The following PRTFDC1 variants were observed in gnomAD, a reference collection of about 807,000 sequenced individuals.
PRTFDC1 encodes the protein phosphoribosyltransferase domain-containing protein 1.
In PRTFDC1, 38 loss-of-function variants were observed where a neutral mutation model predicts 34.6. The ratio of observed to expected loss-of-function variants is 1.10; its 90% CI spans 0.85 to 1.44. The LOEUF (loss-of-function observed/expected upper bound fraction) is 1.44. PRTFDC1 is among the 40% of genes most tolerant of loss of function. The probability of loss-of-function intolerance (pLI) is 0.00; values close to 1 mark genes in which losing one functional copy is unlikely to be tolerated. For synonymous variants in PRTFDC1, 93 were observed against 98.1 expected (o/e 0.95, Z 0.31); for missense variants, 270 against 283.0 (o/e 0.95, Z 0.33).
At chr10:24,872,750 G>A (rs891954043) in intron 3 of PRTFDC1, among the ~76,000 whole-genome samples, 1 of 143,876 alleles carries the variant, frequency 7.0e-6, no homozygotes, top group African/African-American at 2.6e-5. Context: ...ACAAATATAT[G>A]TGCACACGTG....
At chr10:24,950,172 T>G (rs1849317847) in intron 1 of PRTFDC1, among the ~76,000 whole-genome samples, 1 of 152,172 alleles carries the variant, frequency 6.6e-6, no homozygotes, top group African/African-American at 2.4e-5. Flanking sequence ...CTTCAACAAT[T>G]TACCTACTCT....
intron 3 of PRTFDC1, among the ~76,000 whole-genome samples, chr10:24,915,529 G>A (rs2132575118): frequency 6.6e-6 from 1 of 152,194 alleles, no homozygotes; most frequent in African/African-American, 2.4e-5. Context: ...CCCATAACTG[G>A]GTGTCCAGAG....
chr10:24,946,061 A>G (rs995191654), intron 1 of PRTFDC1, among the ~76,000 whole-genome samples: 3 of 152,114 alleles, frequency 2.0e-5, no homozygotes, highest in Non-Finnish European at 4.4e-5. Flanking sequence ...TCCAGACCAC[A>G]TGTACTATCT....
chr10:24,888,277 T>TGTAG (rs1210658787), intron 3 of PRTFDC1, among the ~76,000 whole-genome samples: 1 of 152,200 alleles, frequency 6.6e-6, no homozygotes, highest in African/African-American at 2.4e-5. Flanking sequence ...AGGAACATGG[T>TGTAG]GTAGGACTCA....
Position 24,849,722 on chromosome 10 carries a change from A to G in PRTFDC1, c.*122T>C, listed in dbSNP as rs1847449622. 2.4e-6 allele frequency: 2 copies of G among 849,852 alleles called. No individual in the cohort carries two copies. The highest frequency in any genetic ancestry group is 2.3e-4 in the Middle Eastern group (1 of 4,344). The allele number at this position is 849,852 out of a possible 1,614,324, so 52.6% of individuals were successfully genotyped here. On this transcript the variant is annotated 3_prime_UTR_variant, in exon 9 of 9. Transcript: ENST00000320152. The stretch of plus-strand genomic sequence containing the variant: ...GAAAAGAAAGCTCTCTCATTTGAAC[A>G]TTTTTTTCTTTTATATCCTGCTGAG...
At chr10:24,861,586 A>G (rs1003843593) in intron 4 of PRTFDC1, among the ~76,000 whole-genome samples, 1 of 151,840 alleles carries the variant, frequency 6.6e-6, no homozygotes, top group African/African-American at 2.4e-5. Context: ...ACACCCCTCC[A>G]TCACTTCACC....
intron 4 of PRTFDC1, among the ~76,000 whole-genome samples, chr10:24,863,849 G>C (rs2132500902): frequency 6.6e-6 from 1 of 152,092 alleles, no homozygotes. Context: ...GCTGAGGTGG[G>C]CGGATTGCTT....
rs1847450237 is a variant in PRTFDC1 at position 24,849,764 on chromosome 10, G to T, written c.*80C>A. On this transcript the variant is annotated 3_prime_UTR_variant, in exon 9 of 9. Coordinates refer to ENST00000320152, the MANE Select transcript of PRTFDC1 (RefSeq NM_020200.7). ...CCTGCTGAGTGAAGATGCCTGGGGG[G>T]ACAAACTTGACAGCTGGCTTCCCAA... The T allele has an allele frequency of 2.9e-6, 4 of 1,395,340 alleles. No homozygotes were observed. Among genetic ancestry groups the T allele is most frequent in the African/African-American group, 1.4e-5 (1 of 70,574 alleles). 86.4% of individuals were successfully genotyped at this position (1,395,340 alleles called of 1,614,324 possible). A position where few individuals can be genotyped will look rare whatever the true frequency, so the allele number is the denominator to read the frequency against.
Position 24,864,718 on chromosome 10 carries a change from G to A in PRTFDC1, c.406-6309C>T, listed in dbSNP as rs373481186. Among the ~76,000 whole-genome samples the A allele has an allele frequency of 1.1e-4, 17 of 152,150 alleles. No homozygotes were observed. The East Asian group carries it at 2.1e-3, about 19-fold the overall frequency. Reference sequence around the variant, plus strand: ...AAAAATTTGTGTGGCTCTCTTTATCGTGGTGATCTGAAACCAAATCCACAA... The same window carrying A: ...AAAAATTTGTGTGGCTCTCTTTATCATGGTGATCTGAAACCAAATCCACAA... On this transcript the variant is annotated intron_variant, in intron 4 of 8. Coordinates refer to ENST00000320152, the MANE Select transcript of PRTFDC1 (RefSeq NM_020200.7).
chr10:24,875,920 A>T (rs1414617616), intron 3 of PRTFDC1, among the ~76,000 whole-genome samples: 2 of 145,694 alleles, frequency 1.4e-5, no homozygotes, highest in African/African-American at 5.1e-5. Context: ...CAGTGATGTA[A>T]TCATAGCTCA....
At position 24,952,444 on chromosome 10, in the gene PRTFDC1, G is replaced by A; in HGVS notation, c.48+84C>T. ...GCGGTGGCCCTCTCTCTCCCCCGAC[G>A]CACGGCAAGCATTTAATCTACAAGC... On this transcript the variant is annotated intron_variant, in intron 1 of 8. Coordinates refer to ENST00000320152, the MANE Select transcript of PRTFDC1 (RefSeq NM_020200.7). This position sits in a 1 kb window ranked among gnomAD's most constrained non-coding sequence, Gnocchi z 5.1. 6.9e-7 allele frequency: 1 copy of A among 1,450,482 alleles called. No homozygotes were observed. Among genetic ancestry groups the A allele is most frequent in the Non-Finnish European group, 9.4e-7 (1 of 1,058,276 alleles). 89.9% of individuals were successfully genotyped at this position (1,450,482 alleles called of 1,614,324 possible).
At chr10:24,942,773 G>A (rs529102804) in intron 1 of PRTFDC1, among the ~76,000 whole-genome samples, 4 of 152,078 alleles carry the variant, frequency 2.6e-5, no homozygotes, top group Admixed American at 6.6e-5. Flanking sequence ...TCAGCCTCCC[G>A]AGGAGCTGGG....
At chr10:24,936,612 A>G (rs1031034042) in intron 3 of PRTFDC1, among the ~76,000 whole-genome samples, 2 of 152,194 alleles carry the variant, frequency 1.3e-5, no homozygotes, top group Non-Finnish European at 2.9e-5. Context: ...GAATAATTCC[A>G]TTAATTCTGC....
chr10:24,880,630 G>A (rs529726522), intron 3 of PRTFDC1, among the ~76,000 whole-genome samples: 1 of 152,296 alleles, frequency 6.6e-6, no homozygotes, highest in East Asian at 1.9e-4. Context: ...GAGGCATATG[G>A]TTAAGAAGGA....
At chr10:24,929,355 G>T (rs909430560) in intron 3 of PRTFDC1, among the ~76,000 whole-genome samples, 15 of 152,168 alleles carry the variant, frequency 9.9e-5, no homozygotes, top group African/African-American at 3.6e-4. Flanking sequence ...TCTTTAATAC[G>T]AACGCCAGCT....
At chr10:24,892,694 T>C (rs1288790764) in intron 3 of PRTFDC1, among the ~76,000 whole-genome samples, 1 of 152,106 alleles carries the variant, frequency 6.6e-6, no homozygotes, top group Non-Finnish European at 1.5e-5. Flanking sequence ...TAACAAATTG[T>C]GCGTATGATA....
chr10:24,857,571 C>T (rs1847602421), intron 5 of PRTFDC1, among the ~76,000 whole-genome samples: 1 of 151,996 alleles, frequency 6.6e-6, no homozygotes. Context: ...TGGGCAGCGG[C>T]GATTTATTGT....
chr10:24,900,857 A>G (rs1848438820), intron 3 of PRTFDC1, among the ~76,000 whole-genome samples: 1 of 152,218 alleles, frequency 6.6e-6, no homozygotes, highest in South Asian at 2.1e-4. Flanking sequence ...AAATCTATGC[A>G]TAAAGCTTGT....
chr10:24,875,879 A>G (rs1244853188), intron 3 of PRTFDC1, among the ~76,000 whole-genome samples: 2 of 119,450 alleles, frequency 1.7e-5, no homozygotes, highest in Non-Finnish European at 3.3e-5. Context: ...TTTAAGAGAC[A>G]GGGTCTTGTT....
Sources: allele counts gnomAD v4.1 joint callset (sites outside exome capture counted in the v4.1 genomes callset), GRCh38; gene constraint gnomAD v4.1.1; non-coding constraint Gnocchi (gnomAD v3.1); transcripts MANE v1.5; gene names NCBI Gene and HGNC (gene_info 2026-07-23, HGNC 2026-07-21).